Variants in BAZ2A observed in about 807,000 individuals in gnomAD.
BAZ2A encodes bromodomain adjacent to zinc finger domain protein 2A.
A neutral mutation model predicts 199.9 loss-of-function variants in BAZ2A; 34 were observed. The ratio of observed to expected loss-of-function variants is 0.17; its 90% CI spans 0.13 to 0.23. The LOEUF (loss-of-function observed/expected upper bound fraction) is 0.23. Ranked by LOEUF, BAZ2A falls within the 10% of genes least tolerant of loss-of-function variation. The pLI, the probability that BAZ2A is intolerant of heterozygous loss-of-function variation, is 1.00. For synonymous variants in BAZ2A, 857 were observed against 883.9 expected, an observed-to-expected ratio of 0.97 and a Z score of 0.54; for missense variants, 2,002 against 2,391.1, an observed-to-expected ratio of 0.84 and a Z score of 3.39.
chr12:56,627,667 T>C (rs1951145251), intron 1 of BAZ2A, among the ~76,000 whole-genome samples: 1 of 148,798 alleles, frequency 6.7e-6, no homozygotes, highest in Non-Finnish European at 1.5e-5. Context: ...TCTACAAAAA[T>C]TACAAAAAAT....
In BAZ2A at chr12:56,611,904, G is replaced by A. The variant is rs756451754; in HGVS notation, c.1478C>T (p.Ala493Val). 1.2e-6 allele frequency: 2 copies of A among 1,610,056 alleles called. No homozygotes were observed. Among genetic ancestry groups the A allele is most frequent in the East Asian group, 4.5e-5 (2 of 44,850 alleles). ...AGCTGCTGGGGAAGTTACGGGAGAG[G>A]CTTTTGGGGATGTCACTGAAGCCGT... The part of the protein sequence containing the change: ...PLTASVTSPK[A>V]SPVTSPAAAF... The change falls in exon 6 of 29, where the codon GCC becomes GTC. Residue 493 changes from alanine (A) to valine (V), a missense_variant. Around this residue, in one of 6 missense-constraint regions of BAZ2A, gnomAD observed 641 missense variants for 694.5 expected, o/e 0.92. Transcript: ENST00000549884.
upstream of BAZ2A, among the ~76,000 whole-genome samples, chr12:56,637,332 G>T (rs1951471839): frequency 6.6e-6 from 1 of 152,154 alleles, no homozygotes; most frequent in Non-Finnish European, 1.5e-5. Flanking sequence ...TAAAATGAAG[G>T]GAAAATAACC....
intron 3 of BAZ2A, 57 bp downstream of exon 3, chr12:56,614,957 T>C: frequency 1.3e-6 from 2 of 1,510,188 alleles, no homozygotes; most frequent in East Asian, 2.4e-5. Context: ...AAAAAGCCAC[T>C]ATCCCCCCCG....
In BAZ2A at chr12:56,617,449, CT is replaced by C; in HGVS notation, c.81del (p.Glu29ArgfsTer10). ...AASGLKPSPS[S>X]GEGLYTNGSP... ...GACCCGTTAGTGTAGAGGCCCTCCC[CT>C]GAGGAAGGAGAGGGTTTCAGTCCTG... On this transcript the variant is annotated frameshift_variant, in exon 2 of 29. Transcript: ENST00000549884. LOFTEE classifies it high-confidence loss of function. 6.2e-7 allele frequency: 1 copy of C among 1,607,490 alleles called. No homozygotes were observed. The highest frequency in any genetic ancestry group is 8.5e-7 in the Non-Finnish European group (1 of 1,177,112).
chr12:56,599,355 C>T lies in BAZ2A; in HGVS notation c.5176G>A (p.Val1726Met), dbSNP rs962780557. ...GGCTTCTGAGTGAATTCTCCCTCCA[C>T]CTGCTTAGTATAGGAAACAGGTGAG... ...WFCTVCLAQQ[V>M]EGEFTQKPGF... Residue 1726 changes from valine (V) to methionine (M), a missense_variant, in exon 27 of 29, where the codon GTG (valine) becomes ATG (methionine). Around this residue, in one of 6 missense-constraint regions of BAZ2A, gnomAD observed 122 missense variants for 123.0 expected, o/e 0.99. Coordinates refer to ENST00000549884, the MANE Select transcript of BAZ2A (RefSeq NM_001300905.2). The T allele has an allele frequency of 5.0e-6, 8 of 1,612,208 alleles. No individual in the cohort carries two copies. In the South Asian group the frequency reaches 6.6e-5, roughly 13 times the overall value.
At chr12:56,631,360 A>C (rs1951306033), upstream of BAZ2A, among the ~76,000 whole-genome samples, 1 of 151,252 alleles carries the variant, frequency 6.6e-6, no homozygotes, top group East Asian at 1.9e-4. Context: ...CCGAGGCAAG[A>C]GAATCGCTTG....
Position 56,605,199 on chromosome 12 carries a change from C to T in BAZ2A, c.2622G>A (p.Val874=), listed in dbSNP as rs371892116. 869 of 1,613,666 alleles carry T rather than the reference C, an allele frequency of 5.4e-4. 1 individual carries two copies. The highest frequency in any genetic ancestry group is 7.0e-4 in the Non-Finnish European group (822 of 1,179,864). ...CCTCCTGCAGGACCCCCAGGCTAGGCACATCTTTGGCAGGATCAAAGCCCA... is the reference window on the plus strand; with the variant it reads ...CCTCCTGCAGGACCCCCAGGCTAGGTACATCTTTGGCAGGATCAAAGCCCA... The part of the protein sequence containing the change: ...KVLGFDPAKD[V]PSLGVLQEGL... Residue 874 remains valine, a synonymous_variant, in exon 14 of 29, where the codon GTG becomes GTA. Coordinates refer to ENST00000549884, the MANE Select transcript of BAZ2A (RefSeq NM_001300905.2).
chr12:56,610,021 C>T, intron 9 of BAZ2A, 75 bp from the exon 10 acceptor site: 1 of 1,599,868 alleles, frequency 6.3e-7, no homozygotes, highest in African/African-American at 1.3e-5. Context: ...CCATTCAATG[C>T]CCCAGAACCT....
chr12:56,632,257 A>G (rs1951332590), upstream of BAZ2A, among the ~76,000 whole-genome samples: 2 of 152,166 alleles, frequency 1.3e-5, no homozygotes, highest in African/African-American at 4.8e-5. Flanking sequence ...TCTATCCCCA[A>G]ATAAAAAATT....
At chr12:56,622,563 C>G (rs1031275290) in intron 1 of BAZ2A, among the ~76,000 whole-genome samples, 1 of 152,146 alleles carries the variant, frequency 6.6e-6, no homozygotes, top group African/African-American at 2.4e-5. Flanking sequence ...CCTTCCTACT[C>G]AAGATGCTTT....
rs924880436 is a variant in BAZ2A at position 56,635,487 on chromosome 12, G to A, written c.4+695C>T. Among the ~76,000 whole-genome samples, 1 of 152,140 alleles carries A rather than the reference G, an allele frequency of 6.6e-6. No individual in the cohort carries two copies. Among genetic ancestry groups the A allele is most frequent in the African/African-American group, 2.4e-5 (1 of 41,424 alleles). On this transcript the variant is annotated intron_variant, in intron 1 of 29. Transcript: ENST00000379441. The surrounding 1 kb of genome is among the most constrained non-coding windows in gnomAD (Gnocchi z 4.1). ...TCCTCAGGGCTCCATCCCTACGGCT[G>A]TGGGGCCTTTGGAATCAGGAAGCCA...
chr12:56,603,447 A>G lies in BAZ2A; in HGVS notation c.3220-29T>C, dbSNP rs767468650. ...GGGAGAAACACATGGGCATTATGAA[A>G]AAGGAGGTTATCAGATTCAAGAAAG... On this transcript the variant is annotated intron_variant, in intron 17 of 28. Coordinates refer to ENST00000549884, the MANE Select transcript of BAZ2A (RefSeq NM_001300905.2). The G allele has an allele frequency of 1.9e-5, 31 of 1,613,854 alleles. No individual in the cohort carries two copies. The African/African-American group carries it at 3.9e-4, about 20-fold the overall frequency.
intron 10 of BAZ2A, among the ~76,000 whole-genome samples, chr12:56,607,762 A>G (rs1950411947): frequency 6.6e-6 from 1 of 152,188 alleles, no homozygotes; most frequent in Non-Finnish European, 1.5e-5. Context: ...TTATGGGCAG[A>G]TGAACTACCT....
Position 56,601,390 on chromosome 12 carries a change from T to G in BAZ2A, c.4084A>C (p.Ser1362Arg), listed in dbSNP as rs879348143. ...LASSKPMNRP[S>R]AANPCSPVQF... ...ACTGGAGAACAAGGGTTGGCAGCACTAGGTCTATTCATCTGTGAATAAAAT... is the reference window on the plus strand; with the variant it reads ...ACTGGAGAACAAGGGTTGGCAGCACGAGGTCTATTCATCTGTGAATAAAAT... The change falls in exon 21 of 29, where the codon AGT becomes CGT. Residue 1362 changes from serine to arginine, a missense_variant. This residue lies in a region of BAZ2A where 1,081 missense variants were observed against 1,274.7 expected (regional missense o/e 0.85). Transcript: ENST00000549884. The G allele has an allele frequency of 1.4e-5, 22 of 1,613,370 alleles. No individual in the cohort carries two copies. The highest frequency in any genetic ancestry group is 1.7e-5 in the Non-Finnish European group (20 of 1,179,718).
rs1361730859 is a variant in BAZ2A at position 56,635,741 on chromosome 12, G to C, written c.4+441C>G. Among the ~76,000 whole-genome samples the C allele has an allele frequency of 6.6e-6, 1 of 152,152 alleles. No individual in the cohort carries two copies. The highest frequency in any genetic ancestry group is 1.5e-5 in the Non-Finnish European group (1 of 68,030). ...CCCCCACCTGAAGGTGGGTCAAGGT[G>C]GGGGAGGAGAGAAGACAGACTTAAA... is the stretch of plus-strand genomic sequence containing the variant. On this transcript the variant is annotated intron_variant, in intron 1 of 29. Coordinates refer to the BAZ2A transcript ENST00000379441. This position sits in a 1 kb window ranked among gnomAD's most constrained non-coding sequence, Gnocchi z 4.1.
chr12:56,616,908 G>C (rs979174381), intron 2 of BAZ2A, among the ~76,000 whole-genome samples: 1 of 152,154 alleles, frequency 6.6e-6, no homozygotes, highest in African/African-American at 2.4e-5. Context: ...CTCTCTGGGG[G>C]AACTAGGTAA....
rs754017558 is a variant in BAZ2A, at chr12:56,602,803, C to T, written c.3334G>A (p.Val1112Ile). 1.9e-6 allele frequency: 3 copies of T among 1,613,846 alleles called. No individual in the cohort carries two copies. Among genetic ancestry groups the T allele is most frequent in the South Asian group, 2.2e-5 (2 of 91,054 alleles). ...CTGTAGCGGTCCTGACCCAGGGAGACCGCCCGAAGCATCTGGGATGAGTGA... is the reference window on the plus strand; with the variant it reads ...CTGTAGCGGTCCTGACCCAGGGAGATCGCCCGAAGCATCTGGGATGAGTGA... ...LLHSSQMLRAVSLGQDRYRRR... is the reference protein window; with the variant it reads ...LLHSSQMLRAISLGQDRYRRR... The change falls in exon 19 of 29, where the codon GTC becomes ATC. Residue 1112 changes from valine (V) to isoleucine (I), a missense_variant. By Grantham distance (29) the Val-to-Ile change is conservative (BLOSUM62 3). Around this residue, in one of 6 missense-constraint regions of BAZ2A, gnomAD observed 1,081 missense variants for 1,274.7 expected, o/e 0.85. Transcript: ENST00000549884.
At chr12:56,630,589 A>C (rs1951281595), upstream of BAZ2A, among the ~76,000 whole-genome samples, 1 of 152,232 alleles carries the variant, frequency 6.6e-6, no homozygotes, top group Non-Finnish European at 1.5e-5. Context: ...AAAAGACTAG[A>C]CCAAACGTCT....
rs1951266022 is a variant in BAZ2A, at chr12:56,630,265, G to T, written c.-143C>A. 2 of 982,010 alleles carry T rather than the reference G, an allele frequency of 2.0e-6. No individual in the cohort carries two copies. The highest frequency in any genetic ancestry group is 2.4e-6 in the Non-Finnish European group (2 of 826,720). The allele number at this position is 982,010 out of a possible 1,614,324, so 60.8% of individuals were successfully genotyped here. ...CTGGGGTCCGGGGTTCGGGAAGGGG[G>T]AGGGGGACGCGGCTCAACCGCGGGG... On this transcript the variant is annotated 5_prime_UTR_variant, in exon 1 of 29. Transcript: ENST00000549884.
Sources: gnomAD v4.1 joint callset for allele counts (sites outside exome capture counted in the v4.1 genomes callset) on GRCh38, gnomAD v4.1.1 for gene constraint, gnomAD v4.1.1 regional missense constraint, Gnocchi (gnomAD v3.1) non-coding constraint, MANE v1.5 for transcripts, NCBI Gene and HGNC (gene_info 2026-07-23, HGNC 2026-07-21) for gene names.